DNAJC5B: variants seen among roughly 807,000 people sequenced by gnomAD.
DNAJC5B encodes DnaJ heat shock protein family (Hsp40) member C5 beta.
In DNAJC5B, 23 loss-of-function variants were observed where a neutral mutation model predicts 24.7. The observed-to-expected ratio is 0.93, with a 90% CI of 0.67 to 1.32. The LOEUF is 1.32. DNAJC5B is among the 40% of genes most tolerant of loss of function. The probability of loss-of-function intolerance (pLI) is 0.00; values close to 1 mark genes in which losing one functional copy is unlikely to be tolerated. For synonymous variants in DNAJC5B, 101 were observed against 90.1 expected (o/e 1.12, Z -0.68); for missense variants, 238 against 240.8 (o/e 0.99, Z 0.08).
chr8:66,035,408 C>A (rs190665230), intron 1 of DNAJC5B, among the ~76,000 whole-genome samples: 1 of 152,122 alleles, frequency 6.6e-6, no homozygotes, highest in Non-Finnish European at 1.5e-5. Flanking sequence ...TAAGATGAGG[C>A]CTTACTGGAG....
chr8:66,097,973 C>T (rs569687826), intron 5 of DNAJC5B, among the ~76,000 whole-genome samples: 12 of 152,002 alleles, frequency 7.9e-5, no homozygotes, highest in Non-Finnish European at 5.9e-5. Flanking sequence ...CCCCAGCCTC[C>T]CAAATAGCTG....
At chr8:66,076,986 T>TA (rs1185309707) in intron 4 of DNAJC5B, 113 bp downstream of exon 4, 1 of 1,069,718 alleles carries the variant, frequency 9.3e-7, no homozygotes, top group East Asian at 2.5e-5. Context: ...CTCTGGTAAA[T>TA]AAAAGGAGAT....
At chr8:66,032,781 G>A (rs553913315) in intron 1 of DNAJC5B, among the ~76,000 whole-genome samples, 3 of 152,300 alleles carry the variant, frequency 2.0e-5, no homozygotes, top group Admixed American at 2.0e-4. Flanking sequence ...CTCATCGCTT[G>A]ATACATTGCT....
At chr8:66,057,899 C>T (rs913822344) in intron 3 of DNAJC5B, 1 of 152,180 alleles carries the variant, frequency 6.6e-6, no homozygotes, top group African/African-American at 2.4e-5. Flanking sequence ...ACTAGCAGAT[C>T]TCTTCTTAAA....
At chr8:66,073,197 A>C (rs980832757) in intron 3 of DNAJC5B, among the ~76,000 whole-genome samples, 2 of 152,186 alleles carry the variant, frequency 1.3e-5, no homozygotes, top group African/African-American at 2.4e-5. Flanking sequence ...TAAAAAAATC[A>C]ACATACAACA....
chr8:66,100,214 A>AATTTCTT lies in DNAJC5B; in HGVS notation c.*186_*192dup. 1 of 537,250 alleles carries AATTTCTT rather than the reference A, an allele frequency of 1.9e-6. No individual in the cohort carries two copies. Among genetic ancestry groups the AATTTCTT allele is most frequent in the Admixed American group, 3.3e-5 (1 of 30,340 alleles). 33.3% of individuals were successfully genotyped at this position (537,250 alleles called of 1,614,324 possible). On this transcript the variant is annotated 3_prime_UTR_variant, in exon 6 of 6. Transcript: ENST00000276570. ...GTATGCAGACTTTCTCTCTGAGTAG[A>AATTTCTT]ATTTCTTATGAAACACATTCAATTT...
At chr8:66,062,209 C>T (rs928287347) in intron 3 of DNAJC5B, among the ~76,000 whole-genome samples, 1 of 152,204 alleles carries the variant, frequency 6.6e-6, no homozygotes, top group Non-Finnish European at 1.5e-5. Flanking sequence ...TGTCTGTTTT[C>T]TCCTCGATTA....
At chr8:66,049,760 A>T (rs1460146300) in intron 2 of DNAJC5B, among the ~76,000 whole-genome samples, 1 of 152,228 alleles carries the variant, frequency 6.6e-6, no homozygotes, top group Non-Finnish European at 1.5e-5. Flanking sequence ...GATTAGTGAC[A>T]GCAAGATCCA....
intron 2 of DNAJC5B, among the ~76,000 whole-genome samples, 188 bp downstream of exon 2, chr8:66,043,799 G>A (rs1270343173): frequency 6.6e-6 from 1 of 151,324 alleles, no homozygotes; most frequent in Non-Finnish European, 1.5e-5. Context: ...ATTTATATAA[G>A]GATTAGTGCA....
At chr8:66,050,150 A>G (rs1231721287) in intron 2 of DNAJC5B, among the ~76,000 whole-genome samples, 2 of 152,224 alleles carry the variant, frequency 1.3e-5, no homozygotes, top group African/African-American at 4.8e-5. Flanking sequence ...TTAAAGGCAG[A>G]GTAGGTGCAG....
chr8:66,040,187 C>T (rs1008037054), intron 1 of DNAJC5B, among the ~76,000 whole-genome samples: 1 of 152,004 alleles, frequency 6.6e-6, no homozygotes, highest in African/African-American at 2.4e-5. Flanking sequence ...GTCAGGAGAT[C>T]GAGACCATCC....
At chr8:66,075,388 G>T (rs1179648865) in intron 3 of DNAJC5B, among the ~76,000 whole-genome samples, 1 of 152,104 alleles carries the variant, frequency 6.6e-6, no homozygotes, top group African/African-American at 2.4e-5. Flanking sequence ...GGGGGGAAAT[G>T]CTGCAATTCC....
At chr8:66,046,340 C>T (rs780340510) in intron 2 of DNAJC5B, among the ~76,000 whole-genome samples, 7 of 152,312 alleles carry the variant, frequency 4.6e-5, no homozygotes, top group South Asian at 4.1e-4. Context: ...GATCCCACTG[C>T]GCCTTCCTGT....
Position 66,051,615 on chromosome 8 carries a change from T to A in DNAJC5B, c.68T>A (p.Ile23Asn). 1.2e-6 allele frequency: 2 copies of A among 1,614,082 alleles called. No homozygotes were observed. The highest frequency in any genetic ancestry group is 1.7e-6 in the Non-Finnish European group (2 of 1,179,994). The change falls in exon 3 of 6, where the codon ATT (isoleucine) becomes AAT (asparagine). Residue 23 changes from isoleucine (I) to asparagine (N), a missense_variant. Ile to Asn is a moderately radical substitution (Grantham distance 149, BLOSUM62 -3). Transcript: ENST00000276570. The stretch of plus-strand genomic sequence containing the variant: ...ACAACAGGAGAAGCTCTATACGAAA[T>A]TCTTGGTCTGCATAAGGGAGCATCA... ...LSTTGEALYEILGLHKGASNE... is the reference protein window; with the variant it reads ...LSTTGEALYENLGLHKGASNE...
chr8:66,051,759 G>A, intron 3 of DNAJC5B, 93 bp downstream of exon 3: 2 of 926,682 alleles, frequency 2.2e-6, no homozygotes, highest in East Asian at 4.8e-5. Flanking sequence ...TTCTCACTAA[G>A]ACCAGTAATC....
chr8:66,057,542 A>T (rs776910334), intron 3 of DNAJC5B: 1 of 152,230 alleles, frequency 6.6e-6, no homozygotes, highest in African/African-American at 2.4e-5. Flanking sequence ...AATTCCCCAC[A>T]TTTGGCAAAA....
At chr8:66,083,474 A>G (rs1807649789) in intron 5 of DNAJC5B, among the ~76,000 whole-genome samples, 1 of 152,190 alleles carries the variant, frequency 6.6e-6, no homozygotes, top group African/African-American at 2.4e-5. Context: ...CAAATTCAGG[A>G]AAACACCTAT....
intron 5 of DNAJC5B, among the ~76,000 whole-genome samples, chr8:66,081,822 A>G (rs867512150): frequency 6.6e-6 from 1 of 152,088 alleles, no homozygotes; most frequent in Middle Eastern, 3.2e-3. Flanking sequence ...TGTTCTGACC[A>G]TTTTTTATTA....
At chr8:66,047,114 A>G (rs1806738145) in intron 2 of DNAJC5B, among the ~76,000 whole-genome samples, 2 of 152,246 alleles carry the variant, frequency 1.3e-5, no homozygotes, top group Non-Finnish European at 2.9e-5. Flanking sequence ...AGGAAGACTT[A>G]TGTAGGACGC....
Sources: allele counts gnomAD v4.1 joint callset (sites outside exome capture counted in the v4.1 genomes callset), GRCh38; gene constraint gnomAD v4.1.1; transcripts MANE v1.5; gene names NCBI Gene and HGNC (gene_info 2026-07-23, HGNC 2026-07-21).